Variants in AGER observed in about 807,000 individuals in gnomAD.
AGER encodes advanced glycosylation end-product specific receptor, also known as advanced glycation end product-specific receptor.
Under a neutral mutation model 48.8 loss-of-function variants are expected in AGER, and 46 were observed. That is an observed-to-expected ratio of 0.94 (90% CI 0.74 to 1.20). The LOEUF (loss-of-function observed/expected upper bound fraction) is 1.20, where lower values mean the gene tolerates loss of function less well. AGER is among the 50% of genes most tolerant of loss of function. AGER has a pLI of 0.00. For missense variants in AGER, 489 were observed against 515.0 expected (o/e 0.95, Z 0.49); for synonymous variants, 170 against 199.9 (o/e 0.85, Z 1.26).
chr6:32,184,165 G>C lies in AGER; in HGVS notation c.52+6C>G. 1 of 1,610,800 alleles carries C rather than the reference G, an allele frequency of 6.2e-7. No homozygotes were observed. The highest frequency in any genetic ancestry group is 8.5e-7 in the Non-Finnish European group (1 of 1,178,738). The stretch of plus-strand genomic sequence containing the variant: ...GAGGGTCAGTGGGGTTGAGGGAGTG[G>C]CTCACCCCACAGACTGAGGACCAGC... On this transcript the variant is annotated splice_donor_region_variant and intron_variant, in intron 1 of 10. Coordinates refer to ENST00000375076, the MANE Select transcript of AGER (RefSeq NM_001136.5).
chr6:32,183,724 C>G lies in AGER; in HGVS notation c.186G>C (p.Lys62Asn). The change falls in exon 3 of 11, where the codon AAG becomes AAC. Residue 62 changes from lysine to asparagine, a missense_variant. Coordinates refer to ENST00000375076, the MANE Select transcript of AGER (RefSeq NM_001136.5). ...GGCCTCCTCCCTGGGGAGACAGGACCTTCCAAGCTTCTGTCCGGCCTGTGT... is the reference window on the plus strand; with the variant it reads ...GGCCTCCTCCCTGGGGAGACAGGACGTTCCAAGCTTCTGTCCGGCCTGTGT... ...KLNTGRTEAW[K>N]VLSPQGGGPW... 6.2e-7 allele frequency: 1 copy of G among 1,613,058 alleles called. No homozygotes were observed. The highest frequency in any genetic ancestry group is 1.1e-5 in the South Asian group (1 of 91,090).
rs1276457261 is a variant in AGER at position 32,183,115 on chromosome 6, C to T, written c.507G>A (p.Lys169=). ...CTTGGGGGGCACCTTAGGACTCACC[C>T]TTCTCATTAGGCACCAGGGGCTTCC... ...LDGKPLVPNE[K]GVSVKEQTRR... The change falls in exon 5 of 11, where the codon AAG becomes AAA. Residue 169 remains lysine, a splice_region_variant and synonymous_variant. Coordinates refer to ENST00000375076, the MANE Select transcript of AGER (RefSeq NM_001136.5). 7 of 1,612,958 alleles carry T rather than the reference C, an allele frequency of 4.3e-6. No individual in the cohort carries two copies. Among genetic ancestry groups the T allele is most frequent in the Non-Finnish European group, 5.9e-6 (7 of 1,180,014 alleles).
Position 32,182,654 on chromosome 6 carries a change from CT to C in AGER, c.735del (p.Gly246ValfsTer4). The C allele has an allele frequency of 6.2e-7, 1 of 1,613,062 alleles. No homozygotes were observed. Among genetic ancestry groups the C allele is most frequent in the East Asian group, 2.2e-5 (1 of 44,880 alleles). ...GTTCCACCAGGAGCTACTGCTCCAC[CT>C]TCTGGCTCCACCACCAATTGGACCT... ...LEEVQLVVEP[E>X]GGAVAPGGTV... is the part of the protein sequence containing the mutation. On this transcript the variant is annotated frameshift_variant, in exon 7 of 11. Transcript: ENST00000375076. LOFTEE classifies it high-confidence loss of function. This position sits in a 1 kb window ranked among gnomAD's most constrained non-coding sequence, Gnocchi z 5.1.
rs754937347 is a variant in AGER, at chr6:32,184,164, G to T, written c.52+7C>A. The T allele has an allele frequency of 2.5e-6, 4 of 1,610,882 alleles. No homozygotes were observed. The highest frequency in any genetic ancestry group is 2.5e-6 in the Non-Finnish European group (3 of 1,178,756). ...GGAGGGTCAGTGGGGTTGAGGGAGTGGCTCACCCCACAGACTGAGGACCAG... is the reference window on the plus strand; with the variant it reads ...GGAGGGTCAGTGGGGTTGAGGGAGTTGCTCACCCCACAGACTGAGGACCAG... On this transcript the variant is annotated splice_region_variant and intron_variant, in intron 1 of 10. Coordinates refer to ENST00000375076, the MANE Select transcript of AGER (RefSeq NM_001136.5).
Position 32,181,272 on chromosome 6 carries a change from T to C in AGER, c.1119-33A>G, listed in dbSNP as rs1459064866. The C allele has an allele frequency of 1.2e-6, 2 of 1,613,952 alleles. No individual in the cohort carries two copies. Among genetic ancestry groups the C allele is most frequent in the Admixed American group, 1.7e-5 (1 of 60,032 alleles). ...GAAAGATTGGGGGGAATGCGGCACGTTGTCGTTCCACCCCCCGACCCCTCT... is the reference window on the plus strand; with the variant it reads ...GAAAGATTGGGGGGAATGCGGCACGCTGTCGTTCCACCCCCCGACCCCTCT... On this transcript the variant is annotated intron_variant, in intron 10 of 10. Coordinates refer to ENST00000375076, the MANE Select transcript of AGER (RefSeq NM_001136.5). The surrounding 1 kb of genome is among the most constrained non-coding windows in gnomAD (Gnocchi z 4.1).
Position 32,181,324 on chromosome 6 carries a change from CTG to C in AGER, c.1118+25_1118+26del. ...CGCTTGCTGCCTGGAAGCCCTAGGT[CTG>C]AGGGGTCTGGCTTTCTCCACTCACC... is the stretch of plus-strand genomic sequence containing the variant. On this transcript the variant is annotated intron_variant, in intron 10 of 10. Coordinates refer to ENST00000375076, the MANE Select transcript of AGER (RefSeq NM_001136.5). This position sits in a 1 kb window ranked among gnomAD's most constrained non-coding sequence, Gnocchi z 4.1. The C allele has an allele frequency of 6.2e-7, 1 of 1,613,540 alleles. No individual in the cohort carries two copies. Among genetic ancestry groups the C allele is most frequent in the Non-Finnish European group, 8.5e-7 (1 of 1,179,860 alleles).
In AGER at chr6:32,183,216, G is replaced by T. The variant is rs112092687; in HGVS notation, c.421-15C>A. 1.9e-6 allele frequency: 3 copies of T among 1,612,486 alleles called. No homozygotes were observed. The highest frequency in any genetic ancestry group is 2.7e-5 in the African/African-American group (2 of 74,844). ...CATGTCCCCACCTGGGGAAAGAGTG[G>T]TGACCTCAGAATCCTTTGAAAATGA... On this transcript the variant is annotated splice_polypyrimidine_tract_variant and intron_variant, in intron 4 of 10. Coordinates refer to ENST00000375076, the MANE Select transcript of AGER (RefSeq NM_001136.5).
Position 32,181,283 on chromosome 6 carries a change from C to T in AGER, c.1119-44G>A, listed in dbSNP as rs1415103408. 5 of 1,613,358 alleles carry T rather than the reference C, an allele frequency of 3.1e-6. No homozygotes were observed. The highest frequency in any genetic ancestry group is 4.2e-6 in the Non-Finnish European group (5 of 1,179,940). On this transcript the variant is annotated intron_variant, in intron 10 of 10. Coordinates refer to ENST00000375076, the MANE Select transcript of AGER (RefSeq NM_001136.5). The surrounding 1 kb of genome is among the most constrained non-coding windows in gnomAD (Gnocchi z 4.1). ...GGGAATGCGGCACGTTGTCGTTCCA[C>T]CCCCCGACCCCTCTTCGCTTGCTGC...
In AGER at chr6:32,181,789, C is replaced by T. The variant is rs1257955678; in HGVS notation, c.965-157G>A. On this transcript the variant is annotated intron_variant, in intron 8 of 10. Transcript: ENST00000375076. This position sits in a 1 kb window ranked among gnomAD's most constrained non-coding sequence, Gnocchi z 4.1. ...CTGGCATGCAATGGTGCGATCTTGG[C>T]TCATCGCAATCTATGCCTCCTGGGT... is the stretch of plus-strand genomic sequence containing the variant. Among the ~76,000 whole-genome samples the T allele has an allele frequency of 6.6e-6, 1 of 152,088 alleles. No individual in the cohort carries two copies. Among genetic ancestry groups the T allele is most frequent in the Non-Finnish European group, 1.5e-5 (1 of 68,006 alleles).
In AGER at chr6:32,182,568, A is replaced by T. The variant is rs777368483; in HGVS notation, c.822T>A (p.Asp274Glu). ...CAGCCCCTCTCTCCAGGTCACTCAC[A>T]TCCTTCATCCAGTGGATTTGAGGAG... ...QPSPQIHWMK[D>E]GVPLPLPPSP... Residue 274 changes from aspartate to glutamate, a missense_variant and splice_region_variant, in exon 7 of 11, where the codon GAT becomes GAA. Transcript: ENST00000375076. The surrounding 1 kb of genome is among the most constrained non-coding windows in gnomAD (Gnocchi z 5.1). 1.9e-6 allele frequency: 3 copies of T among 1,612,962 alleles called. No individual in the cohort carries two copies. The highest frequency in any genetic ancestry group is 2.5e-6 in the Non-Finnish European group (3 of 1,179,984).
chr6:32,182,719 G>A lies in AGER; in HGVS notation c.692-21C>T. 6.2e-7 allele frequency: 1 copy of A among 1,613,106 alleles called. No homozygotes were observed. Among genetic ancestry groups the A allele is most frequent in the Non-Finnish European group, 8.5e-7 (1 of 1,180,042 alleles). On this transcript the variant is annotated intron_variant, in intron 6 of 10. Coordinates refer to ENST00000375076, the MANE Select transcript of AGER (RefSeq NM_001136.5). The surrounding 1 kb of genome is among the most constrained non-coding windows in gnomAD (Gnocchi z 5.1). The stretch of plus-strand genomic sequence containing the variant: ...AGGCTCTGGGAGTTGGAAGGGTTTT[G>A]AGGTGGAGAGTTACACTTGTGAGTG...
intron 2 of AGER, 27 bp downstream of exon 2, chr6:32,183,854 G>C (rs377078506): frequency 6.2e-7 from 1 of 1,612,790 alleles, no homozygotes; most frequent in Non-Finnish European, 8.5e-7. Context: ...CTGGAAGTTG[G>C]GAGGCTGCAA....
chr6:32,184,187 C>CAGCA lies in AGER; in HGVS notation c.32_35dup (p.Val13AlafsTer28). 1 of 1,612,342 alleles carries CAGCA rather than the reference C, an allele frequency of 6.2e-7. No individual in the cohort carries two copies. Among genetic ancestry groups the CAGCA allele is most frequent in the South Asian group, 1.1e-5 (1 of 91,016 alleles). On this transcript the variant is annotated frameshift_variant, in exon 1 of 11. Coordinates refer to ENST00000375076, the MANE Select transcript of AGER (RefSeq NM_001136.5). LOFTEE classifies it high-confidence loss of function. The stretch of plus-strand genomic sequence containing the variant: ...GTGGCTCACCCCACAGACTGAGGAC[C>CAGCA]AGCACCCAGGCTCCAACTGCTGTTC...
chr6:32,182,853 G>C lies in AGER; in HGVS notation c.679C>G (p.Pro227Ala). 1 of 1,612,022 alleles carries C rather than the reference G, an allele frequency of 6.2e-7. No individual in the cohort carries two copies. Among genetic ancestry groups the C allele is most frequent in the Non-Finnish European group, 8.5e-7 (1 of 1,179,690 alleles). ...CACCTATGCTCACCCCAGACACGGGGCTGGATGGGGGCTGTGCGCAAGGCC... is the reference window on the plus strand; with the variant it reads ...CACCTATGCTCACCCCAGACACGGGCCTGGATGGGGGCTGTGCGCAAGGCC... ...HRALRTAPIQ[P>A]RVWEPVPLEE... is the part of the protein sequence containing the mutation. Residue 227 changes from proline to alanine, a missense_variant, in exon 6 of 11, where the codon CCC (proline) becomes GCC (alanine). By Grantham distance (27) the Pro-to-Ala change is conservative. Transcript: ENST00000375076. This position sits in a 1 kb window ranked among gnomAD's most constrained non-coding sequence, Gnocchi z 5.1.
In AGER at chr6:32,182,176, G is replaced by A. The variant is rs1786335996; in HGVS notation, c.964+71C>T. 6.9e-6 allele frequency: 11 copies of A among 1,604,668 alleles called. No individual in the cohort carries two copies. Among genetic ancestry groups the A allele is most frequent in the African/African-American group, 1.3e-5 (1 of 74,762 alleles). ...CTGTTAGGGATAAGGCCAGAATGGG[G>A]CAGGAAATTAGAGCCTGTGCTGTCC... is the stretch of plus-strand genomic sequence containing the variant. On this transcript the variant is annotated intron_variant, in intron 8 of 10. Coordinates refer to ENST00000375076, the MANE Select transcript of AGER (RefSeq NM_001136.5). This position sits in a 1 kb window ranked among gnomAD's most constrained non-coding sequence, Gnocchi z 5.1.
At position 32,182,853 on chromosome 6, in the gene AGER, GC is replaced by G; in HGVS notation, c.678del (p.Gln226HisfsTer24). 1 of 1,612,022 alleles carries G rather than the reference GC, an allele frequency of 6.2e-7. No individual in the cohort carries two copies. The highest frequency in any genetic ancestry group is 8.5e-7 in the Non-Finnish European group (1 of 1,179,690). On this transcript the variant is annotated frameshift_variant, in exon 6 of 11. Coordinates refer to ENST00000375076, the MANE Select transcript of AGER (RefSeq NM_001136.5). LOFTEE classifies it high-confidence loss of function. The surrounding 1 kb of genome is among the most constrained non-coding windows in gnomAD (Gnocchi z 5.1). ...CACCTATGCTCACCCCAGACACGGG[GC>G]TGGATGGGGGCTGTGCGCAAGGCCC... ...RHRALRTAPI[Q>X]PRVWEPVPLE...
intron 1 of AGER, 61 bp downstream of exon 1, chr6:32,184,110 G>A (rs1723606232): frequency 1.2e-6 from 2 of 1,604,770 alleles, no homozygotes; most frequent in Non-Finnish European, 1.7e-6. Context: ...TAGGACGACT[G>A]GGGTGTGGGG....
rs1211794202 is a variant in AGER at position 32,182,503 on chromosome 6, T to C, written c.822+65A>G. 3.8e-6 allele frequency: 6 copies of C among 1,598,882 alleles called. No homozygotes were observed. The highest frequency in any genetic ancestry group is 5.1e-6 in the Non-Finnish European group (6 of 1,170,578). On this transcript the variant is annotated intron_variant, in intron 7 of 10. Coordinates refer to ENST00000375076, the MANE Select transcript of AGER (RefSeq NM_001136.5). This position sits in a 1 kb window ranked among gnomAD's most constrained non-coding sequence, Gnocchi z 5.1. ...TAGCCTGCCTTTCCCTCGTTAGCCCTCTGCCCTCCCTGTTGCTAGTTATGG... is the reference window on the plus strand; with the variant it reads ...TAGCCTGCCTTTCCCTCGTTAGCCCCCTGCCCTCCCTGTTGCTAGTTATGG...
intron 2 of AGER, 59 bp from the exon 3 acceptor site, chr6:32,183,809 CAG>C (rs925938460): frequency 6.2e-6 from 10 of 1,611,470 alleles, no homozygotes; most frequent in Non-Finnish European, 8.5e-6. Context: ...GACTGTGAGG[CAG>C]AGTGACGGGG....
Sources: allele counts gnomAD v4.1 joint callset (sites outside exome capture counted in the v4.1 genomes callset), GRCh38; gene constraint gnomAD v4.1.1; non-coding constraint Gnocchi (gnomAD v3.1); transcripts MANE v1.5; gene names NCBI Gene and HGNC (gene_info 2026-07-23, HGNC 2026-07-21).